DIP2A: variants seen among roughly 807,000 people sequenced by gnomAD.
DIP2A encodes disco-interacting protein 2 homolog A.
A neutral mutation model predicts 177.4 loss-of-function variants in DIP2A; 85 were observed. The ratio of observed to expected loss-of-function variants is 0.48; its 90% CI spans 0.40 to 0.57. The LOEUF (loss-of-function observed/expected upper bound fraction) is 0.57, where lower values mean the gene tolerates loss of function less well. DIP2A is among the 20% of genes least tolerant of loss of function. The probability of loss-of-function intolerance (pLI) is 0.00; values close to 1 mark genes in which losing one functional copy is unlikely to be tolerated. For synonymous variants in DIP2A, 886 were observed against 881.8 expected, an observed-to-expected ratio of 1.00 and a Z score of -0.08; for missense variants, 1,791 against 2,100.2, an observed-to-expected ratio of 0.85 and a Z score of 2.88.
chr21:46,520,816 A>T (rs1465655142), intron 8 of DIP2A, among the ~76,000 whole-genome samples: 2 of 152,222 alleles, frequency 1.3e-5, no homozygotes, highest in African/African-American at 4.8e-5. Flanking sequence ...GCCCAAAGAA[A>T]GCCACGCATC....
the DIP2A span, among the ~76,000 whole-genome samples, chr21:46,579,012 G>C: frequency 6.6e-6 from 1 of 152,138 alleles, no homozygotes; most frequent in African/African-American, 2.4e-5. Flanking sequence ...CTATTGTTTG[G>C]AATAGTTTCA....
intron 10 of DIP2A, among the ~76,000 whole-genome samples, chr21:46,532,737 G>C (rs2839304): frequency 0.19 from 28,979 of 152,048 alleles, 3,230 homozygotes; most frequent in East Asian, 0.42. Flanking sequence ...TATGACCGTA[G>C]GCAGTTTCTG....
chr21:46,564,095 A>G (rs1033901229), intron 35 of DIP2A, among the ~76,000 whole-genome samples, 163 bp downstream of exon 35: 1 of 152,214 alleles, frequency 6.6e-6, no homozygotes, highest in Non-Finnish European at 1.5e-5. Context: ...GTTCCTATGT[A>G]GGATTTTGGG....
At position 46,504,500 on chromosome 21, in the gene DIP2A, C is replaced by G. The variant is rs2057870381; in HGVS notation, c.784+11C>G. 6.3e-7 allele frequency: 1 copy of G among 1,595,360 alleles called. No homozygotes were observed. The highest frequency in any genetic ancestry group is 8.5e-7 in the Non-Finnish European group (1 of 1,170,780). On this transcript the variant is annotated intron_variant, in intron 6 of 37. Transcript: ENST00000417564. ...TGGAAACAGCAGATGGTGAGCCTGC[C>G]TCTCTTTCTCCTCGTGAAATAGCAG...
At chr21:46,558,136 C>G (rs1366861485) in intron 31 of DIP2A, 87 bp from the exon 32 acceptor site, 2 of 1,385,320 alleles carry the variant, frequency 1.4e-6, no homozygotes, top group African/African-American at 2.9e-5. Context: ...CTCTGTGTGC[C>G]CACCCGGAGA....
chr21:46,562,879 C>T (rs1199622106), intron 34 of DIP2A, among the ~76,000 whole-genome samples: 1 of 152,216 alleles, frequency 6.6e-6, no homozygotes, highest in Non-Finnish European at 1.5e-5. Context: ...GAGCCGCCAT[C>T]GCACACAGCT....
intron 18 of DIP2A, among the ~76,000 whole-genome samples, chr21:46,542,889 G>A (rs540073124): frequency 2.0e-5 from 3 of 152,346 alleles, no homozygotes; most frequent in Non-Finnish European, 2.9e-5. Context: ...TCTTGCAGGC[G>A]GCTGTGCTAA....
intron 1 of DIP2A, among the ~76,000 whole-genome samples, chr21:46,482,705 G>T (rs2148420768): frequency 6.6e-6 from 1 of 152,276 alleles, no homozygotes; most frequent in East Asian, 1.9e-4. Flanking sequence ...ACCTGTAGGG[G>T]TAGTTGAGTG....
At chr21:46,525,964 A>G (rs2059065251) in intron 8 of DIP2A, among the ~76,000 whole-genome samples, 1 of 150,978 alleles carries the variant, frequency 6.6e-6, no homozygotes, top group African/African-American at 2.4e-5. Context: ...GCTGGAGTGC[A>G]ATGGCACAAT....
At chr21:46,520,433 A>G (rs1171550681) in intron 8 of DIP2A, among the ~76,000 whole-genome samples, 1 of 152,234 alleles carries the variant, frequency 6.6e-6, no homozygotes, top group Non-Finnish European at 1.5e-5. Flanking sequence ...CAGCTCATGC[A>G]GTTAACTCCT....
chr21:46,469,950 T>G (rs950515371), intron 1 of DIP2A, among the ~76,000 whole-genome samples: 1 of 152,142 alleles, frequency 6.6e-6, no homozygotes, highest in Non-Finnish European at 1.5e-5. Flanking sequence ...AAAAAAAAGA[T>G]AGAATTCAAG....
intron 1 of DIP2A, among the ~76,000 whole-genome samples, chr21:46,477,078 C>G (rs1224731556): frequency 1.3e-5 from 2 of 152,106 alleles, no homozygotes; most frequent in Admixed American, 6.5e-5. Flanking sequence ...GTATGGATCA[C>G]TCCTCGTTTT....
downstream of DIP2A, among the ~76,000 whole-genome samples, chr21:46,570,944 A>G (rs2060956856): frequency 1.3e-5 from 2 of 152,220 alleles, no homozygotes. Context: ...AAGCCAGAGA[A>G]TTTTGAAAGC....
At chr21:46,526,025 C>G (rs1054720568) in intron 8 of DIP2A, among the ~76,000 whole-genome samples, 2 of 151,810 alleles carry the variant, frequency 1.3e-5, no homozygotes, top group African/African-American at 2.4e-5. Flanking sequence ...TCTTCTGCCT[C>G]AGTCTCCTGA....
the DIP2A span, among the ~76,000 whole-genome samples, chr21:46,579,119 C>G: frequency 6.6e-6 from 1 of 152,136 alleles, no homozygotes; most frequent in African/African-American, 2.4e-5. Context: ...CTATTTCTTA[C>G]TGCCTCAATT....
downstream of DIP2A, among the ~76,000 whole-genome samples, chr21:46,571,025 C>G (rs9979271): frequency 0.06 from 9,164 of 152,198 alleles, 747 homozygotes; most frequent in African/African-American, 0.18. Flanking sequence ...GGGCCACAGA[C>G]TGTTAACAGT....
chr21:46,496,615 C>T (rs755085034), intron 3 of DIP2A, among the ~76,000 whole-genome samples: 24 of 152,106 alleles, frequency 1.6e-4, no homozygotes, highest in African/African-American at 2.4e-4. Flanking sequence ...AGAAATTTTA[C>T]GAATTTGTAT....
chr21:46,546,064 C>A, intron 20 of DIP2A, 103 bp downstream of exon 20: 3 of 1,586,006 alleles, frequency 1.9e-6, no homozygotes, highest in Non-Finnish European at 2.6e-6. Flanking sequence ...CCGTTCCTGA[C>A]CTCCCATGTG....
chr21:46,532,451 G>A (rs2839302), intron 10 of DIP2A, among the ~76,000 whole-genome samples: 29,733 of 152,080 alleles, frequency 0.2, 3,403 homozygotes, highest in East Asian at 0.42. Context: ...ACTGAGAACC[G>A]TTTTGCTGGT....
Sources: gnomAD v4.1 joint callset for allele counts (sites outside exome capture counted in the v4.1 genomes callset) on GRCh38, gnomAD v4.1.1 for gene constraint, MANE v1.5 for transcripts, NCBI Gene and HGNC (gene_info 2026-07-23, HGNC 2026-07-21) for gene names.